FILIP1L: variants seen among roughly 807,000 people sequenced by gnomAD.
The protein encoded by FILIP1L is filamin A interacting protein 1 like, also known as filamin A-interacting protein 1-like.
In FILIP1L, 55 loss-of-function variants were observed where a neutral mutation model predicts 96.6. That is an observed-to-expected ratio of 0.57 (90% CI 0.46 to 0.71). The LOEUF is 0.71. Among genes scored for constraint, FILIP1L ranks in the 30% least tolerant of loss-of-function variants. The pLI, the probability that FILIP1L is intolerant of heterozygous loss-of-function variation, is 0.00. For synonymous variants in FILIP1L, 467 were observed against 473.9 expected, an observed-to-expected ratio of 0.99 and a Z score of 0.19; for missense variants, 1,304 against 1,321.2, an observed-to-expected ratio of 0.99 and a Z score of 0.20.
chr3:100,058,073 T>C (rs1382843468), intron 1 of FILIP1L, among the ~76,000 whole-genome samples: 1 of 152,236 alleles, frequency 6.6e-6, no homozygotes, highest in Non-Finnish European at 1.5e-5. Context: ...CACAATTTTT[T>C]ATTTTCTTTT....
chr3:100,087,564 T>C (rs1380635381), intron 1 of FILIP1L, among the ~76,000 whole-genome samples: 1 of 152,170 alleles, frequency 6.6e-6, no homozygotes, highest in Non-Finnish European at 1.5e-5. Flanking sequence ...AACCTTTTGC[T>C]TTTTTTGTTT....
intron 1 of FILIP1L, among the ~76,000 whole-genome samples, chr3:99,997,120 G>A (rs1437892707): frequency 6.6e-6 from 1 of 152,080 alleles, no homozygotes; most frequent in Admixed American, 6.5e-5. Context: ...AAAGATCAGA[G>A]CAGAACTAAA....
At chr3:100,102,881 C>T (rs1270169837) in intron 1 of FILIP1L, among the ~76,000 whole-genome samples, 1 of 152,184 alleles carries the variant, frequency 6.6e-6, no homozygotes, top group East Asian at 1.9e-4. Context: ...TGTTGCTAAG[C>T]CCTGTCATCA....
chr3:99,856,338 A>G (rs989599201), intron 4 of FILIP1L, among the ~76,000 whole-genome samples: 3 of 152,216 alleles, frequency 2.0e-5, no homozygotes, highest in African/African-American at 4.8e-5. Flanking sequence ...TTGATCCCTT[A>G]AATCTCTCCA....
Position 99,930,828 on chromosome 3 carries a change from C to A in FILIP1L, c.193G>T (p.Glu65Ter), listed in dbSNP as rs1348263755. 1 of 1,612,692 alleles carries A rather than the reference C, an allele frequency of 6.2e-7. No individual in the cohort carries two copies. Among genetic ancestry groups the A allele is most frequent in the South Asian group, 1.1e-5 (1 of 90,890 alleles). ...KPHSGNGHQA[E>*]DLSRDDLLFL... ...AACAGGTCATCTCTTGAGAGGTCTT[C>A]TGCTTGGTGGCCATTACCACTGTGT... Residue 65 changes from glutamate (E) to a stop codon, truncating the protein, a stop_gained, in exon 2 of 6, where the codon GAA becomes TAA. Coordinates refer to ENST00000477258, the MANE Select transcript of FILIP1L (RefSeq NM_001387850.1). LOFTEE classifies it high-confidence loss of function.
rs779350496 is a variant in FILIP1L, at chr3:99,957,693, C to CTTTTTTTT, written c.-10-26671_-10-26664dup. ...TTCTCCTTTTCTCTTTTCTTTCTTTCTTTTTTTTTTTTTTTTTTTTTTTTT... is the reference window on the plus strand; with the variant it reads ...TTCTCCTTTTCTCTTTTCTTTCTTTCTTTTTTTTTTTTTTTTTTTTTTTTTTTTTTTTT... On this transcript the variant is annotated intron_variant, in intron 1 of 5. Coordinates refer to ENST00000477258, the MANE Select transcript of FILIP1L (RefSeq NM_001387850.1). 8.0e-3 allele frequency among the ~76,000 whole-genome samples: 158 copies of CTTTTTTTT among 19,828 alleles called. 13 individuals are homozygous for CTTTTTTTT. The highest frequency in any genetic ancestry group is 0.012 in the Non-Finnish European group (110 of 8,896). The allele number at this position is 19,828 out of a possible 152,430, so 13.0% of individuals were successfully genotyped here. A position where few individuals can be genotyped will look rare whatever the true frequency, so the allele number is the denominator to read the frequency against.
At chr3:99,989,828 A>G (rs890425954) in intron 1 of FILIP1L, among the ~76,000 whole-genome samples, 3 of 152,102 alleles carry the variant, frequency 2.0e-5, no homozygotes, top group Non-Finnish European at 4.4e-5. Context: ...ATTTTTACTT[A>G]CTCAGATCAG....
intron 1 of FILIP1L, among the ~76,000 whole-genome samples, chr3:100,023,842 C>T (rs1347682570): frequency 2.6e-5 from 4 of 152,088 alleles, no homozygotes; most frequent in Non-Finnish European, 4.4e-5. Flanking sequence ...GTGCTCATTG[C>T]CCAGGTAAAC....
At chr3:99,927,655 C>G (rs4928226) in intron 3 of FILIP1L, among the ~76,000 whole-genome samples, 2 of 152,194 alleles carry the variant, frequency 1.3e-5, no homozygotes, top group Admixed American at 6.5e-5. Flanking sequence ...AGGCATGAGC[C>G]ACTGCGCCCG....
chr3:99,962,623 TAATAAC>T (rs1450379365), intron 1 of FILIP1L, among the ~76,000 whole-genome samples: 1 of 152,174 alleles, frequency 6.6e-6, no homozygotes, highest in Non-Finnish European at 1.5e-5. Context: ...TTATAATTAA[TAATAAC>T]AACAACAACA....
At chr3:100,060,155 A>G (rs542023280) in intron 1 of FILIP1L, among the ~76,000 whole-genome samples, 1 of 152,202 alleles carries the variant, frequency 6.6e-6, no homozygotes, top group East Asian at 1.9e-4. Context: ...TGGGTGGGCT[A>G]CGGTGCCAGA....
At chr3:100,083,741 G>C (rs530688085) in intron 1 of FILIP1L, among the ~76,000 whole-genome samples, 3 of 151,854 alleles carry the variant, frequency 2.0e-5, no homozygotes, top group Non-Finnish European at 4.4e-5. Flanking sequence ...CCATTTCTTT[G>C]TTTGTTTGTT....
chr3:100,029,444 T>C (rs1035980660), intron 1 of FILIP1L, among the ~76,000 whole-genome samples: 5 of 152,180 alleles, frequency 3.3e-5, no homozygotes, highest in South Asian at 2.1e-4. Context: ...TTCATTTTAC[T>C]GTTGCATTTG....
intron 4 of FILIP1L, among the ~76,000 whole-genome samples, chr3:99,897,762 G>T (rs1706305832): frequency 6.6e-6 from 1 of 152,096 alleles, no homozygotes; most frequent in African/African-American, 2.4e-5. Context: ...GACCAGATGG[G>T]GATGTCCAGG....
chr3:100,090,481 G>A lies in FILIP1L; in HGVS notation c.-11+23572C>T, dbSNP rs2067973085. Reference sequence around the variant, plus strand: ...TCCACCTCTGATTTTCTGAGTCATAGTCTTTGAGAGCAAAACCAGGCGACA... The same window carrying A: ...TCCACCTCTGATTTTCTGAGTCATAATCTTTGAGAGCAAAACCAGGCGACA... On this transcript the variant is annotated intron_variant, in intron 1 of 5. Coordinates refer to ENST00000477258, the MANE Select transcript of FILIP1L (RefSeq NM_001387850.1). Among the ~76,000 whole-genome samples the A allele has an allele frequency of 2.0e-5, 3 of 152,162 alleles. No individual in the cohort carries two copies. The South Asian group carries it at 6.2e-4, about 32-fold the overall frequency.
intron 1 of FILIP1L, among the ~76,000 whole-genome samples, chr3:99,937,234 A>AG (rs770437577): frequency 6.6e-6 from 1 of 152,128 alleles, no homozygotes; most frequent in Non-Finnish European, 1.5e-5. Context: ...CACCATGCCC[A>AG]GCCTAGCTTA....
chr3:99,999,855 A>G (rs926066433), intron 1 of FILIP1L, among the ~76,000 whole-genome samples: 1 of 152,294 alleles, frequency 6.6e-6, no homozygotes. Flanking sequence ...AAAACAAAAC[A>G]TGCCATGCTA....
intron 1 of FILIP1L, among the ~76,000 whole-genome samples, chr3:100,107,402 T>C (rs1352619038): frequency 2.0e-5 from 3 of 152,128 alleles, no homozygotes. Context: ...TCTGACACTT[T>C]GTTGGTAGAA....
intron 1 of FILIP1L, among the ~76,000 whole-genome samples, chr3:100,014,768 G>T (rs1379420271): frequency 4.5e-4 from 59 of 130,846 alleles, no homozygotes; most frequent in Non-Finnish European, 8.7e-4. Context: ...GTTCACAAAT[G>T]TTTTCTCTCA....
Sources: gnomAD v4.1 joint callset for allele counts (sites outside exome capture counted in the v4.1 genomes callset) on GRCh38, gnomAD v4.1.1 for gene constraint, MANE v1.5 for transcripts, NCBI Gene and HGNC (gene_info 2026-07-23, HGNC 2026-07-21) for gene names.